GPR137B: variants seen among roughly 807,000 people sequenced by gnomAD.
The protein encoded by GPR137B is integral membrane protein GPR137B.
In GPR137B, 42 loss-of-function variants were observed where a neutral mutation model predicts 42.5. The ratio of observed to expected loss-of-function variants is 0.99; its 90% CI spans 0.77 to 1.28. The LOEUF (loss-of-function observed/expected upper bound fraction) is 1.28, where lower values mean the gene tolerates loss of function less well. Among genes scored for constraint, GPR137B ranks in the 50% most tolerant of loss-of-function variants. The probability of loss-of-function intolerance (pLI) is 0.00; values close to 1 mark genes in which losing one functional copy is unlikely to be tolerated. For missense variants in GPR137B, 487 were observed against 493.9 expected (o/e 0.99, Z 0.13); for synonymous variants, 218 against 209.7 (o/e 1.04, Z -0.34).
intron 5 of GPR137B, among the ~76,000 whole-genome samples, chr1:236,196,005 T>C (rs1663321646): frequency 6.6e-6 from 1 of 150,398 alleles, no homozygotes; most frequent in African/African-American, 2.5e-5. Context: ...AGTTTGCAAA[T>C]ATTTTCTCCC....
In GPR137B at chr1:236,208,450, CT is replaced by C. The variant is rs1334276996; in HGVS notation, c.*293del. 3.2e-5 allele frequency: 29 copies of C among 902,338 alleles called. No individual in the cohort carries two copies. The highest frequency in any genetic ancestry group is 4.6e-5 in the Admixed American group (1 of 21,636). 55.9% of individuals were successfully genotyped at this position (902,338 alleles called of 1,614,324 possible). A position where few individuals can be genotyped will look rare whatever the true frequency, so the allele number is the denominator to read the frequency against. On this transcript the variant is annotated 3_prime_UTR_variant, in exon 7 of 7. Coordinates refer to ENST00000366592, the MANE Select transcript of GPR137B (RefSeq NM_003272.4). ...ACTTAAATAATAATGCTAAAGTATA[CT>C]AGGGTTTTTTTTTCTTGAGAATGTT...
intron 2 of GPR137B, among the ~76,000 whole-genome samples, chr1:236,174,287 T>C (rs1390109602): frequency 2.6e-5 from 4 of 152,120 alleles, no homozygotes; most frequent in Non-Finnish European, 5.9e-5. Flanking sequence ...ATTTGATAGA[T>C]AAAAATCAAG....
In GPR137B at chr1:236,142,580, T is replaced by A; in HGVS notation, c.-43T>A. 4 of 1,188,556 alleles carry A rather than the reference T, an allele frequency of 3.4e-6. No homozygotes were observed. The highest frequency in any genetic ancestry group is 4.3e-6 in the Non-Finnish European group (4 of 934,636). The allele number at this position is 1,188,556 out of a possible 1,614,324, so 73.6% of individuals were successfully genotyped here. ...TCTCGGGGCTGCAGGCTGAGCGCGA[T>A]GCGCGGAGACCCCCGCGGGGGCGGC... On this transcript the variant is annotated 5_prime_UTR_variant, in exon 1 of 7. An upstream start codon of the reference 5' UTR is lost. Coordinates refer to ENST00000366592, the MANE Select transcript of GPR137B (RefSeq NM_003272.4).
At chr1:236,167,576 G>T (rs547847289) in intron 1 of GPR137B, among the ~76,000 whole-genome samples, 1 of 152,168 alleles carries the variant, frequency 6.6e-6, no homozygotes, top group Admixed American at 6.5e-5. Flanking sequence ...GCCGGAATGG[G>T]CGTCTTCAGA....
At chr1:236,187,748 TG>T (rs1663075467) in intron 5 of GPR137B, among the ~76,000 whole-genome samples, 1 of 121,126 alleles carries the variant, frequency 8.3e-6, no homozygotes, top group South Asian at 2.6e-4. Flanking sequence ...TAGCATAGTT[TG>T]AAATCAGGTA....
chr1:236,186,018 A>G (rs545729368), intron 5 of GPR137B, among the ~76,000 whole-genome samples: 4 of 151,280 alleles, frequency 2.6e-5, no homozygotes, highest in East Asian at 3.9e-4. Flanking sequence ...GAATGGAATC[A>G]TATGGCATGT....
intron 1 of GPR137B, among the ~76,000 whole-genome samples, chr1:236,152,025 C>G (rs752061352): frequency 3.2e-4 from 48 of 152,204 alleles, no homozygotes; most frequent in Admixed American, 4.6e-4. Flanking sequence ...CCCATCAGGC[C>G]CACACTCATT....
chr1:236,194,745 G>T (rs1033858242), intron 5 of GPR137B, among the ~76,000 whole-genome samples: 4 of 152,118 alleles, frequency 2.6e-5, no homozygotes, highest in African/African-American at 9.7e-5. Context: ...CTGAAAACTG[G>T]CAATGACCTC....
At chr1:236,166,136 G>A (rs1433049775) in intron 1 of GPR137B, among the ~76,000 whole-genome samples, 3 of 152,102 alleles carry the variant, frequency 2.0e-5, no homozygotes, top group African/African-American at 7.2e-5. Flanking sequence ...TCTCACTTTG[G>A]CATTTGTGAA....
At position 236,142,645 on chromosome 1, in the gene GPR137B, C is replaced by T. The variant is rs1483814712; in HGVS notation, c.23C>T (p.Pro8Leu). 2 of 1,496,672 alleles carry T rather than the reference C, an allele frequency of 1.3e-6. No homozygotes were observed. The highest frequency in any genetic ancestry group is 2.9e-5 in the African/African-American group (2 of 69,964). 92.7% of individuals were successfully genotyped at this position (1,496,672 alleles called of 1,614,324 possible). A position where few individuals can be genotyped will look rare whatever the true frequency, so the allele number is the denominator to read the frequency against. Residue 8 changes from proline (P) to leucine (L), a missense_variant, in exon 1 of 7, where the codon CCG becomes CTG. Coordinates refer to ENST00000366592, the MANE Select transcript of GPR137B (RefSeq NM_003272.4). The part of the protein sequence containing the change: MRPERPR[P>L]RGSAPGPMET... ...CCGATGAGGCCCGAGCGTCCCCGGC[C>T]GCGCGGCAGCGCCCCCGGCCCGATG...
chr1:236,162,467 C>T (rs7530557), intron 1 of GPR137B, among the ~76,000 whole-genome samples: 28,417 of 152,226 alleles, frequency 0.19, 2,888 homozygotes, highest in East Asian at 0.35. Flanking sequence ...AAGAGCCTAA[C>T]GTTAATCCCC....
intron 5 of GPR137B, among the ~76,000 whole-genome samples, chr1:236,196,459 A>T (rs1254199): frequency 0.36 from 55,301 of 151,670 alleles, 11,220 homozygotes; most frequent in East Asian, 0.61. Flanking sequence ...TATTATTTTT[A>T]AATTTTTGTC....
intron 4 of GPR137B, among the ~76,000 whole-genome samples, chr1:236,181,390 C>T (rs536708646): frequency 3.3e-5 from 5 of 152,008 alleles, no homozygotes; most frequent in South Asian, 4.2e-4. Flanking sequence ...GATACAAAAC[C>T]GAACAGACTC....
At chr1:236,162,588 G>T (rs929102570) in intron 1 of GPR137B, among the ~76,000 whole-genome samples, 2 of 152,190 alleles carry the variant, frequency 1.3e-5, no homozygotes, top group African/African-American at 4.8e-5. Context: ...CCCATGCTGT[G>T]TGCAGCCTAG....
At chr1:236,193,432 C>G (rs921984722) in intron 5 of GPR137B, among the ~76,000 whole-genome samples, 7 of 152,062 alleles carry the variant, frequency 4.6e-5, no homozygotes, top group African/African-American at 1.7e-4. Flanking sequence ...CTGAGTGTCA[C>G]TTTCTGAAAA....
intron 5 of GPR137B, among the ~76,000 whole-genome samples, chr1:236,186,958 TACC>T (rs959291487): frequency 2.6e-5 from 4 of 152,200 alleles, no homozygotes; most frequent in African/African-American, 7.2e-5. Context: ...TAATTTACAC[TACC>T]ACCAACAGTG....
chr1:236,179,898 T>C lies in GPR137B; in HGVS notation c.707T>C (p.Val236Ala). ...LESKGSSVCQ[V>A]TAIGVTVILL... ...TTCCAGGGCTCCTCCGTGTGTCAAGTGACTGCCATCGGTGTCACCGTGATA... is the reference window on the plus strand; with the variant it reads ...TTCCAGGGCTCCTCCGTGTGTCAAGCGACTGCCATCGGTGTCACCGTGATA... Residue 236 changes from valine (V) to alanine (A), a missense_variant, in exon 4 of 7, where the codon GTG (valine) becomes GCG (alanine). Transcript: ENST00000366592. The C allele has an allele frequency of 1.3e-6, 2 of 1,592,558 alleles. No individual in the cohort carries two copies. The highest frequency in any genetic ancestry group is 1.7e-6 in the Non-Finnish European group (2 of 1,169,420).
In GPR137B at chr1:236,208,440, C is replaced by T. The variant is rs1663730379; in HGVS notation, c.*282C>T. The stretch of plus-strand genomic sequence containing the variant: ...ATTTTGTATAACTTAAATAATAATG[C>T]TAAAGTATACTAGGGTTTTTTTTTC... On this transcript the variant is annotated 3_prime_UTR_variant, in exon 7 of 7. Transcript: ENST00000366592. 1 of 929,916 alleles carries T rather than the reference C, an allele frequency of 1.1e-6. No homozygotes were observed. 57.6% of individuals were successfully genotyped at this position (929,916 alleles called of 1,614,324 possible).
In GPR137B at chr1:236,175,058, G is replaced by A. The variant is rs148756453; in HGVS notation, c.465-3356G>A. Among the ~76,000 whole-genome samples, 253 of 152,070 alleles carry A rather than the reference G, an allele frequency of 1.7e-3. 1 individual carries two copies. Among genetic ancestry groups the A allele is most frequent in the African/African-American group, 5.4e-3 (223 of 41,442 alleles). ...AGGAAGAGTGTAGGCCAGGTGCAGT[G>A]GCTCTCAGCTGTAATCCCAGCACTT... On this transcript the variant is annotated intron_variant, in intron 2 of 6. Transcript: ENST00000366592.
Sources: gnomAD v4.1 joint callset for allele counts (sites outside exome capture counted in the v4.1 genomes callset) on GRCh38, gnomAD v4.1.1 for gene constraint, MANE v1.5 for transcripts, NCBI Gene and HGNC (gene_info 2026-07-23, HGNC 2026-07-21) for gene names.